Variants in C8orf89 observed in about 807,000 individuals in gnomAD.
C8orf89 encodes chromosome 8 open reading frame 89.
A neutral mutation model predicts 15.8 loss-of-function variants in C8orf89; 14 were observed. The observed-to-expected ratio is 0.89, with a 90% CI of 0.59 to 1.39. The LOEUF (loss-of-function observed/expected upper bound fraction) is 1.39, where lower values mean the gene tolerates loss of function less well. Ranked by LOEUF, C8orf89 falls within the 40% of genes most tolerant of loss-of-function variation. C8orf89 has a pLI of 0.00. For missense variants in C8orf89, 181 were observed against 184.5 expected, an observed-to-expected ratio of 0.98 and a Z score of 0.11; for synonymous variants, 55 against 62.2, an observed-to-expected ratio of 0.88 and a Z score of 0.54.
the C8orf89 span, among the ~76,000 whole-genome samples, chr8:73,272,702 G>C: frequency 6.6e-4 from 100 of 152,120 alleles, no homozygotes; most frequent in African/African-American, 2.1e-3. Context: ...AGAACATGCA[G>C]TGTTTGGTTT....
intron 3 of C8orf89, among the ~76,000 whole-genome samples, chr8:73,244,445 A>G (rs1382972103): frequency 1.3e-5 from 2 of 152,238 alleles, no homozygotes; most frequent in Admixed American, 1.3e-4. Flanking sequence ...CCCTAAATAC[A>G]TGTAGAAATA....
the C8orf89 span, among the ~76,000 whole-genome samples, chr8:73,284,629 G>A: frequency 6.6e-6 from 1 of 151,962 alleles, no homozygotes; most frequent in South Asian, 2.1e-4. Flanking sequence ...ATTCTAACAA[G>A]GATTAAAAAG....
chr8:73,274,119 C>T, the C8orf89 span, among the ~76,000 whole-genome samples: 2 of 151,888 alleles, frequency 1.3e-5, no homozygotes, highest in African/African-American at 4.8e-5. Flanking sequence ...CAGGTGCTTA[C>T]CTGACACTAT....
At chr8:73,275,983 A>G in the C8orf89 span, among the ~76,000 whole-genome samples, 2 of 152,092 alleles carry the variant, frequency 1.3e-5, no homozygotes, top group African/African-American at 4.8e-5. Flanking sequence ...CCATTATCAC[A>G]TTACCTTAAT....
the C8orf89 span, among the ~76,000 whole-genome samples, chr8:73,276,366 C>T: frequency 3.3e-4 from 50 of 151,834 alleles, no homozygotes; most frequent in Non-Finnish European, 6.3e-4. Context: ...TTAGTAGAGA[C>T]GGGGTTTCAT....
chr8:73,251,973 G>A (rs1813261018), intron 2 of C8orf89, among the ~76,000 whole-genome samples: 1 of 152,178 alleles, frequency 6.6e-6, no homozygotes, highest in African/African-American at 2.4e-5. Context: ...ACTGTCCTTA[G>A]TAGCTTTATA....
chr8:73,249,981 G>A lies in C8orf89; in HGVS notation c.337+287C>T, dbSNP rs1813212397. On this transcript the variant is annotated intron_variant, in intron 3 of 3. Transcript: ENST00000624510. ...GTCAAAGTTTTAGGCTTTTTTTGTGGTATTGAAGGATTTCAAAGATCAGAC... is the reference window on the plus strand; with the variant it reads ...GTCAAAGTTTTAGGCTTTTTTTGTGATATTGAAGGATTTCAAAGATCAGAC... Among the ~76,000 whole-genome samples, 3 of 152,006 alleles carry A rather than the reference G, an allele frequency of 2.0e-5. No homozygotes were observed. In the South Asian group the frequency reaches 6.2e-4, roughly 31 times the overall value.
intron 1 of C8orf89, 140 bp from the exon 2 acceptor site, chr8:73,257,266 G>T: frequency 1.7e-6 from 1 of 583,274 alleles, no homozygotes; most frequent in Non-Finnish European, 2.9e-6. Flanking sequence ...TCTTTCCCAA[G>T]AGAATGGCTT....
rs1330718412 is a variant in C8orf89 at position 73,256,121 on chromosome 8, AT to A, written c.281+851del. ...ACTTAAAGTATAATAATAATAAAAAATAAATAACAAATAATAATAATAATAA... is the reference window on the plus strand; with the variant it reads ...ACTTAAAGTATAATAATAATAAAAAAAAATAACAAATAATAATAATAATAA... On this transcript the variant is annotated intron_variant, in intron 2 of 3. Coordinates refer to ENST00000624510, the MANE Select transcript of C8orf89 (RefSeq NM_001243237.3). Among the ~76,000 whole-genome samples the A allele has an allele frequency of 2.6e-4, 38 of 145,268 alleles. No homozygotes were observed. The South Asian group carries it at 7.5e-3, about 28-fold the overall frequency.
the C8orf89 span, chr8:73,277,931 G>T: frequency 1.5e-6 from 1 of 668,864 alleles, no homozygotes; most frequent in South Asian, 1.4e-5. Context: ...CTGGGGCTTA[G>T]AGAGAAACAT....
At chr8:73,247,740 C>G (rs753340295) in intron 3 of C8orf89, among the ~76,000 whole-genome samples, 1 of 151,948 alleles carries the variant, frequency 6.6e-6, no homozygotes, top group Non-Finnish European at 1.5e-5. Context: ...GCATGTATGT[C>G]TTCTTTTGAA....
rs1187108844 is a variant in C8orf89, at chr8:73,241,615, G to A, written c.338-10C>T. On this transcript the variant is annotated splice_polypyrimidine_tract_variant and intron_variant, in intron 3 of 3. Coordinates refer to ENST00000624510, the MANE Select transcript of C8orf89 (RefSeq NM_001243237.3). ...TCACTGAAGCCAGAACCTGGAGGAG[G>A]AGGTGGGGAGTCAGCTATTAAAATG... 6.7e-7 allele frequency: 1 copy of A among 1,490,748 alleles called. No homozygotes were observed. The highest frequency in any genetic ancestry group is 8.9e-7 in the Non-Finnish European group (1 of 1,125,654). 92.3% of individuals were successfully genotyped at this position (1,490,748 alleles called of 1,614,324 possible).
chr8:73,244,944 G>A (rs919095080), intron 3 of C8orf89, among the ~76,000 whole-genome samples: 2 of 152,156 alleles, frequency 1.3e-5, no homozygotes, highest in South Asian at 4.1e-4. Context: ...CTGCTGATAA[G>A]GACATAACTG....
the C8orf89 span, among the ~76,000 whole-genome samples, chr8:73,271,506 C>G: frequency 5.3e-5 from 8 of 152,312 alleles, no homozygotes; most frequent in East Asian, 1.4e-3. Context: ...TAGACTTTCT[C>G]TGCCATTTTT....
At chr8:73,283,335 A>G in the C8orf89 span, among the ~76,000 whole-genome samples, 1 of 152,242 alleles carries the variant, frequency 6.6e-6, no homozygotes, top group Non-Finnish European at 1.5e-5. Flanking sequence ...AATGAAACAC[A>G]GATTCCAGTC....
rs185802040 is a variant in C8orf89 at position 73,251,440 on chromosome 8, T to C, written c.282-1117A>G. Among the ~76,000 whole-genome samples the C allele has an allele frequency of 3.3e-5, 5 of 152,264 alleles. No homozygotes were observed. In the East Asian group the frequency reaches 9.7e-4, roughly 29 times the overall value. The stretch of plus-strand genomic sequence containing the variant: ...ACTACAACAGCTAAAATGAAGACAC[T>C]TGAGTTAAAGGCAGGGAAAAGAACT... On this transcript the variant is annotated intron_variant, in intron 2 of 3. Transcript: ENST00000624510.
the C8orf89 span, among the ~76,000 whole-genome samples, chr8:73,284,557 G>A: frequency 6.6e-6 from 1 of 151,702 alleles, no homozygotes; most frequent in Non-Finnish European, 1.5e-5. Flanking sequence ...AATAATTCAT[G>A]GTATGATTCC....
chr8:73,242,946 C>T (rs142973558), intron 3 of C8orf89, among the ~76,000 whole-genome samples: 2,073 of 152,036 alleles, frequency 0.014, 57 homozygotes, highest in African/African-American at 0.048. Context: ...AAATGTGGTA[C>T]ATATACACAA....
At chr8:73,250,830 G>T (rs931715214) in intron 2 of C8orf89, among the ~76,000 whole-genome samples, 8 of 151,838 alleles carry the variant, frequency 5.3e-5, no homozygotes, top group Non-Finnish European at 8.8e-5. Flanking sequence ...TTGAGACAAG[G>T]TCTCACTCGC....
Sources: allele counts gnomAD v4.1 joint callset (sites outside exome capture counted in the v4.1 genomes callset), GRCh38; gene constraint gnomAD v4.1.1; transcripts MANE v1.5; gene names NCBI Gene and HGNC (gene_info 2026-07-23, HGNC 2026-07-21).